Variants in FTO observed in about 807,000 individuals in gnomAD.
FTO encodes alpha-ketoglutarate-dependent dioxygenase FTO.
A neutral mutation model predicts 63.9 loss-of-function variants in FTO; 47 were observed. The observed-to-expected ratio is 0.74, with a 90% CI of 0.58 to 0.94. The LOEUF (loss-of-function observed/expected upper bound fraction) is 0.94, where lower values mean the gene tolerates loss of function less well. Ranked by LOEUF, FTO falls within the 40% of genes least tolerant of loss-of-function variation. FTO has a pLI of 0.00. For missense variants in FTO, 562 were observed against 618.1 expected, an observed-to-expected ratio of 0.91 and a Z score of 0.96; for synonymous variants, 207 against 224.4, an observed-to-expected ratio of 0.92 and a Z score of 0.69.
At chr16:54,055,920 A>G (rs1326384882) in intron 8 of FTO, among the ~76,000 whole-genome samples, 1 of 152,210 alleles carries the variant, frequency 6.6e-6, no homozygotes, top group Non-Finnish European at 1.5e-5. Flanking sequence ...GTTTTGATAC[A>G]AAGTTATTAT....
intron 4 of FTO, among the ~76,000 whole-genome samples, chr16:53,845,666 C>A (rs567886817): frequency 6.6e-6 from 1 of 152,056 alleles, no homozygotes; most frequent in Non-Finnish European, 1.5e-5. Context: ...TATAGAGAAA[C>A]CAAAACAGTA....
intron 1 of FTO, among the ~76,000 whole-genome samples, chr16:53,792,412 G>A (rs1334805581): frequency 6.6e-6 from 1 of 152,180 alleles, no homozygotes; most frequent in Non-Finnish European, 1.5e-5. Flanking sequence ...GGAAACAGCC[G>A]AAAGCCAGAC....
Position 54,111,936 on chromosome 16 carries a change from G to A in FTO, c.*21G>A, listed in dbSNP as rs377384000. On this transcript the variant is annotated 3_prime_UTR_variant, in exon 9 of 9. Transcript: ENST00000471389. Reference sequence around the variant, plus strand: ...CCTAGAAGGAGCACAAGTCTCAGGCGGAGGAGAAAAAGAGATCGGCTTTTC... The same window carrying A: ...CCTAGAAGGAGCACAAGTCTCAGGCAGAGGAGAAAAAGAGATCGGCTTTTC... The A allele has an allele frequency of 1.1e-5, 17 of 1,613,730 alleles. No homozygotes were observed. The highest frequency in any genetic ancestry group is 1.7e-4 in the Middle Eastern group (1 of 6,022).
intron 8 of FTO, among the ~76,000 whole-genome samples, chr16:54,038,420 A>C (rs1053804477): frequency 6.6e-6 from 1 of 152,146 alleles, no homozygotes; most frequent in African/African-American, 2.4e-5. Flanking sequence ...CCCAACCTGG[A>C]AAGTGCCTCC....
intron 3 of FTO, among the ~76,000 whole-genome samples, chr16:53,842,022 C>G (rs2079492183): frequency 6.6e-6 from 1 of 152,152 alleles, no homozygotes; most frequent in Non-Finnish European, 1.5e-5. Flanking sequence ...AAATTTGAGG[C>G]ATTTTTGTTT....
chr16:53,841,025 AT>A (rs1423007252), intron 3 of FTO, among the ~76,000 whole-genome samples: 2 of 100,494 alleles, frequency 2.0e-5, no homozygotes, highest in African/African-American at 8.0e-5. Flanking sequence ...AAATTCTGGT[AT>A]TTTCAAGTGT....
chr16:54,032,059 G>A (rs146511136), intron 8 of FTO, among the ~76,000 whole-genome samples: 22 of 152,320 alleles, frequency 1.4e-4, no homozygotes, highest in Non-Finnish European at 2.5e-4. Context: ...AGCCTTCAAA[G>A]GTTTCCGAGG....
intron 1 of FTO, among the ~76,000 whole-genome samples, chr16:53,783,278 G>A (rs1327252784): frequency 2.6e-5 from 4 of 151,974 alleles, no homozygotes; most frequent in South Asian, 2.1e-4. Flanking sequence ...TCAGGAGTCC[G>A]AGACCAACCC....
At chr16:53,854,409 A>G (rs908365468) in intron 4 of FTO, among the ~76,000 whole-genome samples, 5 of 152,108 alleles carry the variant, frequency 3.3e-5, no homozygotes, top group African/African-American at 1.2e-4. Flanking sequence ...GTTTTCTTCT[A>G]GAATTTTTAT....
At chr16:54,049,359 T>C (rs1227349383) in intron 8 of FTO, among the ~76,000 whole-genome samples, 1 of 152,204 alleles carries the variant, frequency 6.6e-6, no homozygotes, top group Admixed American at 6.5e-5. Flanking sequence ...CAAAAAGAGA[T>C]GGCTGCCCGT....
At chr16:54,050,591 C>T (rs1054224990) in intron 8 of FTO, among the ~76,000 whole-genome samples, 4 of 152,078 alleles carry the variant, frequency 2.6e-5, no homozygotes, top group East Asian at 1.9e-4. Flanking sequence ...CATACTTTAC[C>T]TCCTACCCAC....
chr16:53,927,564 G>C (rs2082177104), intron 7 of FTO, among the ~76,000 whole-genome samples: 1 of 152,114 alleles, frequency 6.6e-6, no homozygotes, highest in African/African-American at 2.4e-5. Flanking sequence ...CCATTGGAAG[G>C]GCAGATCACC....
At chr16:53,808,789 C>T (rs931472829) in intron 1 of FTO, among the ~76,000 whole-genome samples, 1 of 152,216 alleles carries the variant, frequency 6.6e-6, no homozygotes, top group Admixed American at 6.5e-5. Flanking sequence ...CGGCCCAGAG[C>T]AAAGTGTACC....
At position 54,015,691 on chromosome 16, in the gene FTO, G is replaced by A. The variant is rs140261252; in HGVS notation, c.1364+81582G>A. On this transcript the variant is annotated intron_variant, in intron 8 of 8. Transcript: ENST00000471389. ...GAGTCCTTACCATATGCCAAATACC[G>A]TTGTACATTGTACCTGCTTCACATA... Among the ~76,000 whole-genome samples the A allele has an allele frequency of 1.3e-5, 2 of 152,174 alleles. 1 individual carries two copies. The highest frequency in any genetic ancestry group is 1.3e-4 in the Admixed American group (2 of 15,272).
chr16:53,914,069 C>T (rs531925258), intron 7 of FTO, among the ~76,000 whole-genome samples: 8 of 151,984 alleles, frequency 5.3e-5, no homozygotes, highest in African/African-American at 1.4e-4. Flanking sequence ...TGGAGGACAG[C>T]GTCTTCTCAC....
upstream of FTO, chr16:53,703,963 C>T: frequency 1.6e-6 from 1 of 637,476 alleles, no homozygotes; most frequent in East Asian, 2.7e-5. Context: ...GGGTAGCGGA[C>T]TACGCTCTTC....
chr16:54,096,915 C>T (rs1166278083), intron 8 of FTO, among the ~76,000 whole-genome samples: 1 of 152,176 alleles, frequency 6.6e-6, no homozygotes, highest in African/African-American at 2.4e-5. Context: ...TAGTCCGTAA[C>T]AGATGATTGT....
chr16:53,912,711 A>G (rs2081743793), intron 7 of FTO, among the ~76,000 whole-genome samples: 1 of 152,210 alleles, frequency 6.6e-6, no homozygotes. Flanking sequence ...TGATGCTTAG[A>G]TGAGAAGTAG....
At chr16:53,760,369 C>A (rs2077036748) in intron 1 of FTO, among the ~76,000 whole-genome samples, 1 of 151,818 alleles carries the variant, frequency 6.6e-6, no homozygotes, top group Non-Finnish European at 1.5e-5. Context: ...CCTCAGCCTC[C>A]CAAATAGCTG....
Sources: allele counts gnomAD v4.1 joint callset (sites outside exome capture counted in the v4.1 genomes callset), GRCh38; gene constraint gnomAD v4.1.1; transcripts MANE v1.5; gene names NCBI Gene and HGNC (gene_info 2026-07-23, HGNC 2026-07-21).